ETNK1: variants seen among roughly 807,000 people sequenced by gnomAD.
The protein encoded by ETNK1 is putative protein product of Nbla10396.
ETNK1 carries 8 observed loss-of-function variants against 45.1 expected under a neutral mutation model. That is an observed-to-expected ratio of 0.18 (90% CI 0.10 to 0.32). The LOEUF is 0.32. Among genes scored for constraint, ETNK1 ranks in the 10% least tolerant of loss-of-function variants. ETNK1 has a pLI of 1.00. For missense variants in ETNK1, 302 were observed against 430.6 expected (o/e 0.70, Z 2.64); for synonymous variants, 152 against 151.9 (o/e 1.00, Z -0.01).
intron 6 of ETNK1, among the ~76,000 whole-genome samples, chr12:22,681,104 G>T (rs1443944327): frequency 6.6e-6 from 1 of 151,910 alleles, no homozygotes; most frequent in African/African-American, 2.4e-5. Context: ...CTTGTATTTT[G>T]GGGGGATGCA....
chr12:22,669,282 T>TCCTTTAA (rs556354384), intron 4 of ETNK1, among the ~76,000 whole-genome samples: 18 of 152,152 alleles, frequency 1.2e-4, no homozygotes, highest in African/African-American at 4.1e-4. Context: ...ATAACTTTTT[T>TCCTTTAA]CCTTTAATTT....
intron 1 of ETNK1, among the ~76,000 whole-genome samples, chr12:22,634,350 A>G (rs1455027538): frequency 1.3e-5 from 2 of 151,964 alleles, no homozygotes; most frequent in African/African-American, 4.8e-5. Context: ...TAATATTTTG[A>G]TTAGGATTTT....
chr12:22,639,551 C>T (rs1015779229), intron 1 of ETNK1, among the ~76,000 whole-genome samples: 1 of 151,990 alleles, frequency 6.6e-6, no homozygotes, highest in African/African-American at 2.4e-5. Context: ...GTGGCAGGCA[C>T]CTGTAATCCC....
intron 6 of ETNK1, among the ~76,000 whole-genome samples, chr12:22,673,988 C>T (rs913689858): frequency 6.6e-6 from 1 of 152,166 alleles, no homozygotes; most frequent in African/African-American, 2.4e-5. Context: ...CCTTTCTTTA[C>T]ATCAAAGTCA....
chr12:22,641,256 G>A lies in ETNK1; in HGVS notation c.157-2507G>A, dbSNP rs79954883. Among the ~76,000 whole-genome samples, 1,308 of 152,228 alleles carry A rather than the reference G, an allele frequency of 8.6e-3. 21 individuals are homozygous for A. The highest frequency in any genetic ancestry group is 0.03 in the African/African-American group (1,256 of 41,530). ...AACGGTATTCTCTGGATTGGATGGT[G>A]TCAGGAAGGAGGTGGGACAAATCTA... On this transcript the variant is annotated intron_variant, in intron 1 of 7. Transcript: ENST00000266517.
intron 2 of ETNK1, among the ~76,000 whole-genome samples, chr12:22,645,844 A>G (rs889092044): frequency 1.3e-5 from 2 of 151,850 alleles, no homozygotes; most frequent in Non-Finnish European, 3.0e-5. Context: ...ATACCCATTA[A>G]CCAACTTCTT....
At chr12:22,659,685 G>C (rs1424104970) in intron 3 of ETNK1, among the ~76,000 whole-genome samples, 2 of 152,170 alleles carry the variant, frequency 1.3e-5, no homozygotes, top group Non-Finnish European at 2.9e-5. Context: ...GATAGTATAT[G>C]TAAAGTTCTT....
chr12:22,667,099 G>GT (rs1341344320), intron 4 of ETNK1, among the ~76,000 whole-genome samples: 1 of 152,078 alleles, frequency 6.6e-6, no homozygotes, highest in East Asian at 1.9e-4. Context: ...TAAAATATCT[G>GT]TAAGTCAGAT....
At chr12:22,626,727 G>C (rs1953503628) in intron 1 of ETNK1, among the ~76,000 whole-genome samples, 1 of 152,224 alleles carries the variant, frequency 6.6e-6, no homozygotes, top group East Asian at 1.9e-4. Flanking sequence ...TATTTTAAAG[G>C]ACCCGTATGT....
At chr12:22,651,723 C>T (rs1464966853) in intron 2 of ETNK1, among the ~76,000 whole-genome samples, 14 of 139,778 alleles carry the variant, frequency 1.0e-4, no homozygotes, top group African/African-American at 3.2e-4. Flanking sequence ...CTCGCCATGT[C>T]GCCCAGCCTG....
chr12:22,631,159 A>G (rs1045570634), intron 1 of ETNK1, among the ~76,000 whole-genome samples: 3 of 151,810 alleles, frequency 2.0e-5, no homozygotes, highest in African/African-American at 7.3e-5. Flanking sequence ...GAGCCTTGCA[A>G]GTAGTAAGGT....
At chr12:22,669,501 G>T (rs1954086428) in intron 4 of ETNK1, among the ~76,000 whole-genome samples, 1 of 151,156 alleles carries the variant, frequency 6.6e-6, no homozygotes, top group Non-Finnish European at 1.5e-5. Flanking sequence ...CATGACATTT[G>T]TAATTTCCCT....
Position 22,688,079 on chromosome 12 carries a change from G to A in ETNK1, c.*3125G>A, listed in dbSNP as rs1236682905. ...AATAGAGCTCCGTTCTTTGAGTCAT[G>A]ATTCCAAGCTAAAGGAAATTAAAAA... On this transcript the variant is annotated 3_prime_UTR_variant, in exon 8 of 8. Coordinates refer to ENST00000266517, the MANE Select transcript of ETNK1 (RefSeq NM_018638.5). The A allele has an allele frequency of 6.6e-6, 1 of 152,146 alleles. No individual in the cohort carries two copies. The highest frequency in any genetic ancestry group is 2.4e-5 in the African/African-American group (1 of 41,384). 9.4% of individuals were successfully genotyped at this position (152,146 alleles called of 1,614,324 possible).
At chr12:22,646,417 G>A (rs1216335814) in intron 2 of ETNK1, among the ~76,000 whole-genome samples, 1 of 151,766 alleles carries the variant, frequency 6.6e-6, no homozygotes, top group African/African-American at 2.4e-5. Context: ...GGTTAAAGAT[G>A]TAAATTTGGG....
At chr12:22,655,621 G>A (rs1011710439) in intron 2 of ETNK1, among the ~76,000 whole-genome samples, 17 of 152,228 alleles carry the variant, frequency 1.1e-4, no homozygotes, top group Admixed American at 7.2e-4. Context: ...ACAGGCATGA[G>A]CCACCATGCC....
rs1394872625 is a variant in ETNK1 at position 22,686,833 on chromosome 12, GAA to G, written c.*1880_*1881del. ...AGAACATTTTCATAAAACAGATAAA[GAA>G]TGTGTAATACTCTTAATTTTTTTTT... On this transcript the variant is annotated 3_prime_UTR_variant, in exon 8 of 8. Transcript: ENST00000266517. 7.5e-6 allele frequency: 1 copy of G among 132,668 alleles called. No homozygotes were observed. The highest frequency in any genetic ancestry group is 2.8e-5 in the African/African-American group (1 of 35,866). 8.2% of individuals were successfully genotyped at this position (132,668 alleles called of 1,614,324 possible).
intron 1 of ETNK1, among the ~76,000 whole-genome samples, chr12:22,637,353 G>A (rs7970453): frequency 6.6e-6 from 1 of 152,170 alleles, no homozygotes; most frequent in Non-Finnish European, 1.5e-5. Flanking sequence ...AAGTAAAAGG[G>A]TAAAATCCTG....
At chr12:22,633,463 G>T (rs1460693245) in intron 1 of ETNK1, among the ~76,000 whole-genome samples, 1 of 152,212 alleles carries the variant, frequency 6.6e-6, no homozygotes, top group Admixed American at 6.5e-5. Flanking sequence ...GGTATTTGAT[G>T]TAGTTATTAT....
chr12:22,681,565 G>C (rs754030850), intron 6 of ETNK1, among the ~76,000 whole-genome samples: 1 of 151,760 alleles, frequency 6.6e-6, no homozygotes, highest in Admixed American at 6.6e-5. Flanking sequence ...ACCTCTACAA[G>C]CTTTTGTTTT....
Sources: gnomAD v4.1 joint callset for allele counts (sites outside exome capture counted in the v4.1 genomes callset) on GRCh38, gnomAD v4.1.1 for gene constraint, MANE v1.5 for transcripts, NCBI Gene and HGNC (gene_info 2026-07-23, HGNC 2026-07-21) for gene names.